GTF2E2: variants seen among roughly 807,000 people sequenced by gnomAD.
GTF2E2 encodes transcription initiation factor IIE subunit beta.
GTF2E2 carries 21 observed loss-of-function variants against 40.5 expected under a neutral mutation model. The ratio of observed to expected loss-of-function variants is 0.52; its 90% CI spans 0.37 to 0.75. The LOEUF (loss-of-function observed/expected upper bound fraction) is 0.75, where lower values mean the gene tolerates loss of function less well. Ranked by LOEUF, GTF2E2 falls within the 30% of genes least tolerant of loss-of-function variation. GTF2E2 has a pLI of 0.00. For missense variants in GTF2E2, 298 were observed against 338.4 expected (o/e 0.88, Z 0.94); for synonymous variants, 117 against 121.6 (o/e 0.96, Z 0.25).
intron 6 of GTF2E2, among the ~76,000 whole-genome samples, chr8:30,581,170 T>TA (rs1274616236): frequency 6.6e-6 from 1 of 152,138 alleles, no homozygotes. Context: ...TCCTAAGACT[T>TA]ACACGCTCAG....
chr8:30,623,861 T>G (rs1801186515), intron 3 of GTF2E2, among the ~76,000 whole-genome samples: 1 of 144,986 alleles, frequency 6.9e-6, no homozygotes, highest in Admixed American at 6.9e-5. Context: ...TTTGATGGGG[T>G]TTTTTTTTCT....
chr8:30,596,080 TA>T (rs1394018350), intron 6 of GTF2E2, among the ~76,000 whole-genome samples: 8 of 152,214 alleles, frequency 5.3e-5, no homozygotes, highest in African/African-American at 1.7e-4. Context: ...CCATCTTTCA[TA>T]TTCTGCAATT....
chr8:30,621,281 A>C (rs1361276559), intron 3 of GTF2E2, among the ~76,000 whole-genome samples: 1 of 152,106 alleles, frequency 6.6e-6, no homozygotes, highest in East Asian at 1.9e-4. Flanking sequence ...AAATAAATGG[A>C]ATTATTGGAA....
At position 30,651,218 on chromosome 8, in the gene GTF2E2, T is replaced by TA. The variant is rs899531660; in HGVS notation, c.166+2214dup. On this transcript the variant is annotated intron_variant, in intron 2 of 7. Transcript: ENST00000355904. ...CCAGACAGGCAAGATAAATAAAAAT[T>TA]AAAAAGTTCACACCGGAAAGAAAGA... Among the ~76,000 whole-genome samples the TA allele has an allele frequency of 5.0e-4, 76 of 151,942 alleles. 1 individual carries two copies. The highest frequency in any genetic ancestry group is 1.8e-3 in the African/African-American group (75 of 41,456).
intron 3 of GTF2E2, among the ~76,000 whole-genome samples, chr8:30,624,304 C>T (rs1014291390): frequency 1.3e-5 from 2 of 152,118 alleles, no homozygotes; most frequent in Admixed American, 6.5e-5. Flanking sequence ...TCAGGTTTGT[C>T]GAAGATCAGA....
intron 2 of GTF2E2, among the ~76,000 whole-genome samples, chr8:30,648,561 A>G (rs1802173896): frequency 6.6e-6 from 1 of 152,228 alleles, no homozygotes; most frequent in African/African-American, 2.4e-5. Context: ...GGCTGGGAAC[A>G]TAACTTTGGC....
intron 6 of GTF2E2, chr8:30,596,772 C>A (rs1184409958): frequency 6.6e-6 from 1 of 152,176 alleles, no homozygotes; most frequent in Non-Finnish European, 1.5e-5. Context: ...GGGAAATGGG[C>A]CCGCCTTTCC....
intron 3 of GTF2E2, among the ~76,000 whole-genome samples, chr8:30,620,567 T>C (rs1182404052): frequency 6.6e-6 from 1 of 152,112 alleles, no homozygotes; most frequent in Non-Finnish European, 1.5e-5. Flanking sequence ...TTATAACATA[T>C]ACAATGTATT....
chr8:30,652,002 GACA>G (rs1405711962), intron 2 of GTF2E2, among the ~76,000 whole-genome samples: 1 of 152,064 alleles, frequency 6.6e-6, no homozygotes, highest in African/African-American at 2.4e-5. Flanking sequence ...ATGATGCTGG[GACA>G]ACTTCATAAG....
chr8:30,587,882 A>AC (rs1288627987), intron 6 of GTF2E2, among the ~76,000 whole-genome samples: 2 of 151,206 alleles, frequency 1.3e-5, no homozygotes, highest in African/African-American at 2.4e-5. Context: ...AAAAAAAAAA[A>AC]AAAAAAAAAA....
chr8:30,652,896 G>C (rs577713357), intron 2 of GTF2E2, among the ~76,000 whole-genome samples: 1 of 152,188 alleles, frequency 6.6e-6, no homozygotes, highest in East Asian at 1.9e-4. Flanking sequence ...ATGGAATGAA[G>C]TACTGATGCA....
chr8:30,596,073 T>C (rs573619883), intron 6 of GTF2E2, among the ~76,000 whole-genome samples: 1 of 152,310 alleles, frequency 6.6e-6, no homozygotes, highest in South Asian at 2.1e-4. Context: ...ATATTTTCCA[T>C]CTTTCATATT....
At chr8:30,611,657 C>T (rs539477118) in intron 5 of GTF2E2, among the ~76,000 whole-genome samples, 3 of 152,106 alleles carry the variant, frequency 2.0e-5, no homozygotes, top group Admixed American at 6.6e-5. Flanking sequence ...AACAGAGCCT[C>T]AGGGACTTGT....
intron 2 of GTF2E2, chr8:30,645,534 T>C: frequency 6.5e-7 from 1 of 1,535,652 alleles, no homozygotes; most frequent in Non-Finnish European, 8.7e-7. Context: ...ACTTGAAAAG[T>C]GAACCCAACC....
At chr8:30,610,363 T>A (rs1163691595) in intron 5 of GTF2E2, among the ~76,000 whole-genome samples, 1 of 151,116 alleles carries the variant, frequency 6.6e-6, no homozygotes, top group African/African-American at 2.4e-5. Context: ...GGACTACTGC[T>A]TGAACCTGGG....
chr8:30,636,976 C>T (rs1159751241), intron 2 of GTF2E2: 2 of 439,544 alleles, frequency 4.6e-6, no homozygotes, highest in East Asian at 7.0e-5. Context: ...ATAAAAGTAA[C>T]CAATATTTAT....
At chr8:30,604,792 CT>C in intron 6 of GTF2E2, among the ~76,000 whole-genome samples, 1 of 152,132 alleles carries the variant, frequency 6.6e-6, no homozygotes, top group Admixed American at 6.5e-5. Context: ...AGTGAAAATT[CT>C]CATTTTACCC....
chr8:30,586,789 A>G (rs1828699919), intron 6 of GTF2E2, among the ~76,000 whole-genome samples: 1 of 152,244 alleles, frequency 6.6e-6, no homozygotes, highest in South Asian at 2.1e-4. Context: ...GGGTGTCGGG[A>G]AAACTGAATA....
At chr8:30,585,215 AT>A (rs1264872030) in intron 6 of GTF2E2, 1 of 152,268 alleles carries the variant, frequency 6.6e-6, no homozygotes, top group African/African-American at 2.4e-5. Flanking sequence ...AATAGTAATA[AT>A]AATACCTGCC....
Sources: allele counts gnomAD v4.1 joint callset (sites outside exome capture counted in the v4.1 genomes callset), GRCh38; gene constraint gnomAD v4.1.1; transcripts MANE v1.5; gene names NCBI Gene and HGNC (gene_info 2026-07-23, HGNC 2026-07-21).